MXD1: variants seen among roughly 807,000 people sequenced by gnomAD.
MXD1 encodes the protein MAX-binding protein.
In MXD1, 9 loss-of-function variants were observed where a neutral mutation model predicts 25.7. The ratio of observed to expected loss-of-function variants is 0.35; its 90% confidence interval spans 0.21 to 0.61. MXD1 has a LOEUF of 0.61. MXD1 is among the 20% of genes least tolerant of loss of function. The probability of loss-of-function intolerance (pLI) is 0.75; values close to 1 mark genes in which losing one functional copy is unlikely to be tolerated. For synonymous variants in MXD1, 99 were observed against 113.9 expected (o/e 0.87, Z 0.83); for missense variants, 227 against 292.4 (o/e 0.78, Z 1.63).
rs377309719 is a variant in MXD1 at position 69,930,458 on chromosome 2, C to T, written c.204-4893C>T. On this transcript the variant is annotated intron_variant, in intron 3 of 5. Coordinates refer to ENST00000264444, the MANE Select transcript of MXD1 (RefSeq NM_002357.4). The stretch of plus-strand genomic sequence containing the variant: ...ACCTTGGAATCCTTTCTACCCCTGA[C>T]TCTCAATGATGTGAACAGGAAATAA... Among the ~76,000 whole-genome samples, 12 of 152,190 alleles carry T rather than the reference C, an allele frequency of 7.9e-5. No homozygotes were observed. In the East Asian group the frequency reaches 9.6e-4, roughly 12 times the overall value.
rs1334436656 is a variant in MXD1, at chr2:69,940,999, A to G, written c.*2715A>G. ...TAGTTGTTTTGTCTTTTTAAGCAAG[A>G]TGAAAACCTTTCTATTAGGGATTTT... On this transcript the variant is annotated 3_prime_UTR_variant, in exon 6 of 6. Coordinates refer to ENST00000264444, the MANE Select transcript of MXD1 (RefSeq NM_002357.4). The G allele has an allele frequency of 1.3e-5, 2 of 152,594 alleles. No homozygotes were observed. Among genetic ancestry groups the G allele is most frequent in the Non-Finnish European group, 2.9e-5 (2 of 68,032 alleles). 9.5% of individuals were successfully genotyped at this position (152,594 alleles called of 1,614,324 possible).
At chr2:69,924,106 G>A (rs970664051) in intron 3 of MXD1, among the ~76,000 whole-genome samples, 2 of 152,162 alleles carry the variant, frequency 1.3e-5, no homozygotes, top group African/African-American at 4.8e-5. Flanking sequence ...TATTAAATGC[G>A]TTCATAGTAG....
intron 3 of MXD1, among the ~76,000 whole-genome samples, chr2:69,923,273 G>A (rs780174464): frequency 3.3e-5 from 5 of 152,174 alleles, no homozygotes; most frequent in African/African-American, 4.8e-5. Flanking sequence ...CTCATGTGCA[G>A]CCATGGCGGA....
At chr2:69,926,651 T>C (rs1017613194) in intron 3 of MXD1, among the ~76,000 whole-genome samples, 11 of 152,274 alleles carry the variant, frequency 7.2e-5, no homozygotes, top group African/African-American at 2.7e-4. Context: ...TAGATTGCTA[T>C]TGGTTTCCCA....
chr2:69,921,654 A>G (rs1573401050), intron 2 of MXD1, 82 bp from the exon 3 acceptor site: 1 of 1,292,480 alleles, frequency 7.7e-7, no homozygotes, highest in East Asian at 2.6e-5. Flanking sequence ...GGAGAGAAAG[A>G]AGTTAAAAGA....
At chr2:69,927,137 T>A (rs1234785769) in intron 3 of MXD1, among the ~76,000 whole-genome samples, 1 of 152,220 alleles carries the variant, frequency 6.6e-6, no homozygotes, top group Non-Finnish European at 1.5e-5. Context: ...ATCAATTCAG[T>A]CAGGTCTCTT....
chr2:69,936,645 G>A (rs2104209949), intron 4 of MXD1, among the ~76,000 whole-genome samples: 1 of 152,154 alleles, frequency 6.6e-6, no homozygotes, highest in East Asian at 1.9e-4. Context: ...AGAAGCTGGG[G>A]GCAGATTTAT....
intron 2 of MXD1, among the ~76,000 whole-genome samples, chr2:69,920,828 G>A (rs952199381): frequency 6.6e-6 from 1 of 152,042 alleles, no homozygotes; most frequent in African/African-American, 2.4e-5. Context: ...GACACTAAAG[G>A]GGCCACATTG....
chr2:69,917,968 C>T (rs551943028), intron 2 of MXD1, among the ~76,000 whole-genome samples: 19 of 152,260 alleles, frequency 1.2e-4, no homozygotes, highest in African/African-American at 4.6e-4. Context: ...GTAAGGATTT[C>T]TGAGAGACCA....
chr2:69,931,817 G>T (rs1476937116), intron 3 of MXD1, among the ~76,000 whole-genome samples: 1 of 152,200 alleles, frequency 6.6e-6, no homozygotes, highest in Non-Finnish European at 1.5e-5. Flanking sequence ...AATAATTAAA[G>T]TTATGTTTCT....
At chr2:69,935,997 A>G (rs1349356418) in intron 4 of MXD1, among the ~76,000 whole-genome samples, 1 of 152,050 alleles carries the variant, frequency 6.6e-6, no homozygotes, top group Non-Finnish European at 1.5e-5. Flanking sequence ...TTGCCTCTGC[A>G]GCACCATCTT....
intron 3 of MXD1, among the ~76,000 whole-genome samples, chr2:69,933,972 C>T (rs1371331822): frequency 1.3e-5 from 2 of 152,246 alleles, no homozygotes; most frequent in African/African-American, 4.8e-5. Flanking sequence ...ACTCTGAGCA[C>T]TGCTGAAGGT....
intron 3 of MXD1, among the ~76,000 whole-genome samples, chr2:69,931,773 C>G (rs1294059156): frequency 6.6e-6 from 1 of 152,162 alleles, no homozygotes; most frequent in Non-Finnish European, 1.5e-5. Flanking sequence ...TTTCTTTATG[C>G]CACTGTAGAC....
Position 69,915,997 on chromosome 2 carries a change from C to T in MXD1, c.74-124C>T, listed in dbSNP as rs1676955506. ...TCATTGTTCTCAGAATTCCACCTTA[C>T]TCCATTTAATTATTTCCACAATATT... On this transcript the variant is annotated intron_variant, in intron 1 of 5. Coordinates refer to ENST00000264444, the MANE Select transcript of MXD1 (RefSeq NM_002357.4). The surrounding 1 kb of genome is among the most constrained non-coding windows in gnomAD (Gnocchi z 5.8). The T allele has an allele frequency of 1.5e-6, 1 of 685,162 alleles. No homozygotes were observed. Among genetic ancestry groups the T allele is most frequent in the African/African-American group, 1.8e-5 (1 of 54,704 alleles). The allele number at this position is 685,162 out of a possible 1,614,324, so 42.4% of individuals were successfully genotyped here. A position where few individuals can be genotyped will look rare whatever the true frequency, so the allele number is the denominator to read the frequency against.
intron 3 of MXD1, among the ~76,000 whole-genome samples, chr2:69,933,305 T>A (rs2104199790): frequency 6.6e-6 from 1 of 152,142 alleles, no homozygotes; most frequent in East Asian, 1.9e-4. Context: ...TTTCTCATAG[T>A]GTTTCTAATA....
chr2:69,926,915 A>G (rs1254558771), intron 3 of MXD1, among the ~76,000 whole-genome samples: 1 of 152,196 alleles, frequency 6.6e-6, no homozygotes, highest in East Asian at 1.9e-4. Flanking sequence ...GTCTCCTTTA[A>G]TAGTAGACAT....
intron 3 of MXD1, among the ~76,000 whole-genome samples, chr2:69,922,256 T>C (rs1264037060): frequency 6.6e-6 from 1 of 152,286 alleles, no homozygotes; most frequent in East Asian, 1.9e-4. Context: ...ATGGCAGAAA[T>C]TGGAGATGGT....
At chr2:69,926,955 T>C (rs1677182833) in intron 3 of MXD1, among the ~76,000 whole-genome samples, 1 of 152,190 alleles carries the variant, frequency 6.6e-6, no homozygotes, top group Non-Finnish European at 1.5e-5. Flanking sequence ...CATATGCAGC[T>C]CTTGCTAGAA....
chr2:69,924,940 G>A (rs1231080203), intron 3 of MXD1, among the ~76,000 whole-genome samples: 1 of 152,168 alleles, frequency 6.6e-6, no homozygotes, highest in Non-Finnish European at 1.5e-5. Flanking sequence ...CCACTGTAAG[G>A]ATATTATACC....
Sources: allele counts gnomAD v4.1 joint callset (sites outside exome capture counted in the v4.1 genomes callset), GRCh38; gene constraint gnomAD v4.1.1; non-coding constraint Gnocchi (gnomAD v3.1); transcripts MANE v1.5; gene names NCBI Gene and HGNC (gene_info 2026-07-23, HGNC 2026-07-21).